The following MSANTD1 variants were observed in gnomAD, a reference collection of about 807,000 sequenced individuals.
MSANTD1 encodes myb/SANT-like DNA-binding domain-containing protein 1.
MSANTD1 carries 7 observed loss-of-function variants against 24.2 expected under a neutral mutation model. The ratio of observed to expected loss-of-function variants is 0.29; its 90% CI spans 0.16 to 0.54. The LOEUF is 0.54. MSANTD1 is among the 20% of genes least tolerant of loss of function. MSANTD1 has a pLI of 0.94. For missense variants in MSANTD1, 384 were observed against 408.2 expected (o/e 0.94, Z 0.51); for synonymous variants, 177 against 181.1 (o/e 0.98, Z 0.18).
chr4:3,256,029 A>G lies in MSANTD1; in HGVS notation c.*64A>G. 7.1e-7 allele frequency: 1 copy of G among 1,415,486 alleles called. No homozygotes were observed. The highest frequency in any genetic ancestry group is 9.2e-7 in the Non-Finnish European group (1 of 1,090,310). 87.7% of individuals were successfully genotyped at this position (1,415,486 alleles called of 1,614,324 possible). ...TGGTACTGCTCAGGCCACCCAGGGCAGGCCACTCAGGCCAGGCGGGCAAGG... is the reference window on the plus strand; with the variant it reads ...TGGTACTGCTCAGGCCACCCAGGGCGGGCCACTCAGGCCAGGCGGGCAAGG... On this transcript the variant is annotated 3_prime_UTR_variant, in exon 3 of 3. Coordinates refer to ENST00000438480, the MANE Select transcript of MSANTD1 (RefSeq NM_001042690.2).
rs148717609 is a variant in MSANTD1 at position 3,249,488 on chromosome 4, G to A, written c.266G>A (p.Arg89His). 36 of 1,611,800 alleles carry A rather than the reference G, an allele frequency of 2.2e-5. No individual in the cohort carries two copies. Among genetic ancestry groups the A allele is most frequent in the Admixed American group, 6.7e-5 (4 of 59,942 alleles). ...AAGCTCTTCGAGATGACCGGCGAGC[G>A]CAGGCTGGGCGAGGAGATCAAGATC... is the stretch of plus-strand genomic sequence containing the variant. ...ASKLFEMTGERRLGEEIKIKI... is the reference protein window; with the variant it reads ...ASKLFEMTGEHRLGEEIKIKI... Residue 89 changes from arginine (R) to histidine (H), a missense_variant, in exon 1 of 3, where the codon CGC (arginine) becomes CAC (histidine). Arg to His is a conservative substitution (Grantham distance 29). Coordinates refer to ENST00000438480, the MANE Select transcript of MSANTD1 (RefSeq NM_001042690.2).
Position 3,249,987 on chromosome 4 carries a change from T to G in MSANTD1, c.320+445T>G, listed in dbSNP as rs964420004. 1.7e-3 allele frequency among the ~76,000 whole-genome samples: 266 copies of G among 152,188 alleles called. 4 individuals carry two copies. Among genetic ancestry groups the G allele is most frequent in the Non-Finnish European group, 5.3e-4 (36 of 67,994 alleles). On this transcript the variant is annotated intron_variant, in intron 1 of 2. Transcript: ENST00000438480. ...ACCAAGCTCCCAAGCTCAGCAGGGG[T>G]TTCAGGGGCCTACTGCGTCATTGGG...
upstream of MSANTD1, chr4:3,248,961 G>C (rs1722121983): frequency 8.3e-6 from 3 of 363,500 alleles, no homozygotes; most frequent in Non-Finnish European, 1.5e-5. Context: ...GAGAGGCAGG[G>C]CCGGGAGCCG....
chr4:3,250,181 G>T (rs886606298), intron 1 of MSANTD1, among the ~76,000 whole-genome samples: 1 of 152,242 alleles, frequency 6.6e-6, no homozygotes, highest in African/African-American at 2.4e-5. Flanking sequence ...CATGGGTGGG[G>T]CTTACGGTGC....
At chr4:3,248,225 GCT>G (rs1722096730), upstream of MSANTD1, 1 of 152,300 alleles carries the variant, frequency 6.6e-6, no homozygotes, top group Non-Finnish European at 1.5e-5. Context: ...TGCATCTGGG[GCT>G]CTCGGCAGGC....
chr4:3,245,456 C>T (rs1381442481), upstream of MSANTD1: 1 of 152,560 alleles, frequency 6.6e-6, no homozygotes, highest in Non-Finnish European at 1.5e-5. Context: ...ACTGAAGGGA[C>T]TGGGTAGGGG....
rs557713479 is a variant in MSANTD1 at position 3,249,185 on chromosome 4, A to T, written c.-38A>T. 2 of 1,334,550 alleles carry T rather than the reference A, an allele frequency of 1.5e-6. No homozygotes were observed. Among genetic ancestry groups the T allele is most frequent in the East Asian group, 5.9e-5 (2 of 33,736 alleles). 82.7% of individuals were successfully genotyped at this position (1,334,550 alleles called of 1,614,324 possible). On this transcript the variant is annotated 5_prime_UTR_variant, in exon 1 of 3. Coordinates refer to ENST00000438480, the MANE Select transcript of MSANTD1 (RefSeq NM_001042690.2). ...GATGTAGGCCCCATTTTGAGCGTGG[A>T]GCTGCCTTCGAGCGAGCGTGAGCGG...
In MSANTD1 at chr4:3,256,215, T is replaced by G. The variant is rs1722388322; in HGVS notation, c.*250T>G. ...ACAGGCCAGGGCCTCTGGGGTTCAC[T>G]CCGAGTAAGAACGTCCTAGAGCCAC... On this transcript the variant is annotated 3_prime_UTR_variant, in exon 3 of 3. Transcript: ENST00000438480. The G allele has an allele frequency of 2.4e-6, 1 of 418,992 alleles. No individual in the cohort carries two copies. The highest frequency in any genetic ancestry group is 4.2e-6 in the Non-Finnish European group (1 of 237,812). The allele number at this position is 418,992 out of a possible 1,614,324, so 26.0% of individuals were successfully genotyped here.
chr4:3,247,235 G>C (rs546888859), upstream of MSANTD1, among the ~76,000 whole-genome samples: 39 of 152,300 alleles, frequency 2.6e-4, no homozygotes, highest in African/African-American at 9.4e-4. Context: ...TACCCCTGTT[G>C]TGGAGGTGAG....
intron 1 of MSANTD1, among the ~76,000 whole-genome samples, chr4:3,250,433 C>T (rs924809262): frequency 3.9e-5 from 6 of 152,098 alleles, no homozygotes; most frequent in Non-Finnish European, 7.4e-5. Context: ...GACAGGGTCC[C>T]GGGTGGGCAG....
chr4:3,251,686 T>TC (rs1722233858), intron 1 of MSANTD1, among the ~76,000 whole-genome samples: 1 of 147,776 alleles, frequency 6.8e-6, no homozygotes, highest in East Asian at 1.9e-4. Context: ...CTTTTTTTTT[T>TC]CTTTTTCTTT....
At position 3,249,395 on chromosome 4, in the gene MSANTD1, G is replaced by A. The variant is rs1168852436; in HGVS notation, c.173G>A (p.Trp58Ter). 1.3e-6 allele frequency: 2 copies of A among 1,594,774 alleles called. No individual in the cohort carries two copies. Among genetic ancestry groups the A allele is most frequent in the African/African-American group, 2.7e-5 (2 of 74,788 alleles). ...GAGATGCGCGGCCTCATGCTGGTCT[G>A]GGAGGAGTTCTTCGACGAGCTCAAG... ...DAEMRGLMLV[W>*]EEFFDELKQT... The change falls in exon 1 of 3, where the codon TGG becomes TAG. Residue 58 changes from tryptophan to a stop codon, truncating the protein, a stop_gained. Transcript: ENST00000438480. LOFTEE classifies it high-confidence loss of function.
chr4:3,254,933 T>C (rs1722340492), intron 2 of MSANTD1, among the ~76,000 whole-genome samples: 2 of 152,146 alleles, frequency 1.3e-5, no homozygotes, highest in Non-Finnish European at 2.9e-5. Flanking sequence ...GTGGGGCTGG[T>C]GGTCTTGGCT....
At chr4:3,252,266 C>T (rs1022651372) in intron 1 of MSANTD1, among the ~76,000 whole-genome samples, 18 of 152,250 alleles carry the variant, frequency 1.2e-4, no homozygotes, top group Admixed American at 2.6e-4. Flanking sequence ...GCTGTCTGGC[C>T]GCCATGGGGC....
chr4:3,254,920 C>T (rs998773569), intron 2 of MSANTD1, among the ~76,000 whole-genome samples: 2 of 152,190 alleles, frequency 1.3e-5, no homozygotes, highest in African/African-American at 2.4e-5. Context: ...TGCCTAAGGC[C>T]GGGTGGGGCT....
intron 1 of MSANTD1, among the ~76,000 whole-genome samples, chr4:3,251,454 G>A (rs1245061503): frequency 6.6e-6 from 1 of 152,202 alleles, no homozygotes; most frequent in Non-Finnish European, 1.5e-5. Flanking sequence ...GCCAAGGGCT[G>A]CACCGGTGCA....
intron 1 of MSANTD1, 36 bp from the exon 2 acceptor site, chr4:3,253,171 G>T (rs1722281101): frequency 1.3e-6 from 2 of 1,511,468 alleles, no homozygotes. Context: ...GGCCAGCTCT[G>T]TTTCTCACCC....
chr4:3,250,248 C>T (rs910808915), intron 1 of MSANTD1, among the ~76,000 whole-genome samples: 9 of 152,210 alleles, frequency 5.9e-5, no homozygotes, highest in African/African-American at 1.2e-4. Context: ...TGGGGGCTCC[C>T]GGCCTGGCCC....
rs954635707 is a variant in MSANTD1 at position 3,256,208 on chromosome 4, G to A, written c.*243G>A. The A allele has an allele frequency of 4.6e-5, 20 of 431,250 alleles. No individual in the cohort carries two copies. Among genetic ancestry groups the A allele is most frequent in the Non-Finnish European group, 3.7e-5 (9 of 245,836 alleles). 26.7% of individuals were successfully genotyped at this position (431,250 alleles called of 1,614,324 possible). On this transcript the variant is annotated 3_prime_UTR_variant, in exon 3 of 3. Transcript: ENST00000438480. ...CTCGGACACAGGCCAGGGCCTCTGG[G>A]GTTCACTCCGAGTAAGAACGTCCTA...
Sources: allele counts gnomAD v4.1 joint callset (sites outside exome capture counted in the v4.1 genomes callset), GRCh38; gene constraint gnomAD v4.1.1; transcripts MANE v1.5; gene names NCBI Gene and HGNC (gene_info 2026-07-23, HGNC 2026-07-21).